The following RPRD2 variants were observed in gnomAD, a reference collection of about 807,000 sequenced individuals.
RPRD2 encodes the protein regulation of nuclear pre-mRNA domain-containing protein 2.
RPRD2 carries 12 observed loss-of-function variants against 104.4 expected under a neutral mutation model. The ratio of observed to expected loss-of-function variants is 0.11; its 90% CI spans 0.07 to 0.19. The LOEUF (loss-of-function observed/expected upper bound fraction) is 0.19. Among genes scored for constraint, RPRD2 ranks in the 10% least tolerant of loss-of-function variants. The probability of loss-of-function intolerance (pLI) is 1.00; values close to 1 mark genes in which losing one functional copy is unlikely to be tolerated. For synonymous variants in RPRD2, 714 were observed against 684.9 expected, an observed-to-expected ratio of 1.04 and a Z score of -0.66; for missense variants, 1,543 against 1,790.1, an observed-to-expected ratio of 0.86 and a Z score of 2.49.
At chr1:150,463,989 A>C (rs1406539577) in intron 9 of RPRD2, among the ~76,000 whole-genome samples, 4 of 152,216 alleles carry the variant, frequency 2.6e-5, no homozygotes, top group African/African-American at 4.8e-5. Flanking sequence ...TTTTTTAAAA[A>C]TAAATAAGAA....
intron 7 of RPRD2, among the ~76,000 whole-genome samples, chr1:150,450,749 T>G (rs1324004475): frequency 1.3e-5 from 2 of 151,402 alleles, no homozygotes; most frequent in African/African-American, 4.8e-5. Context: ...GCCTCCCGAA[T>G]AGGTGGAACT....
At chr1:150,369,667 C>T (rs1259257002) in intron 1 of RPRD2, among the ~76,000 whole-genome samples, 1 of 129,570 alleles carries the variant, frequency 7.7e-6, no homozygotes, top group Non-Finnish European at 1.6e-5. Flanking sequence ...GACGGGGTTT[C>T]ACCGTGGTCT....
At chr1:150,377,664 TATA>T (rs1553879924) in intron 1 of RPRD2, among the ~76,000 whole-genome samples, 1 of 151,894 alleles carries the variant, frequency 6.6e-6, no homozygotes. Context: ...TTCTGGGAAG[TATA>T]ATAATATGAG....
intron 2 of RPRD2, among the ~76,000 whole-genome samples, chr1:150,434,164 G>A (rs1553892638): frequency 6.6e-6 from 1 of 152,208 alleles, no homozygotes; most frequent in East Asian, 1.9e-4. Context: ...AGACCAGCCT[G>A]GCCAACGTGG....
chr1:150,441,646 C>G (rs1666410476), intron 3 of RPRD2: 1 of 370,104 alleles, frequency 2.7e-6, no homozygotes, highest in African/African-American at 2.1e-5. Context: ...TTTAAGCCTC[C>G]TCCCCTATTC....
intron 1 of RPRD2, among the ~76,000 whole-genome samples, chr1:150,371,403 AC>A (rs1553878308): frequency 6.6e-6 from 1 of 152,170 alleles, no homozygotes; most frequent in African/African-American, 2.4e-5. Context: ...TCTCTCTGTC[AC>A]CCAGGCTAGA....
At chr1:150,461,706 C>A (rs587640800) in intron 9 of RPRD2, among the ~76,000 whole-genome samples, 2 of 151,910 alleles carry the variant, frequency 1.3e-5, no homozygotes, top group Admixed American at 1.3e-4. Context: ...TATGGCCGAG[C>A]GTGGTGGCTC....
chr1:150,395,387 G>GTGTGTGTGTA (rs1662429706), intron 1 of RPRD2, among the ~76,000 whole-genome samples: 2 of 152,040 alleles, frequency 1.3e-5, no homozygotes, highest in African/African-American at 4.8e-5. Context: ...GTGTGTGTGT[G>GTGTGTGTGTA]TGTGTGTGTG....
intron 1 of RPRD2, among the ~76,000 whole-genome samples, chr1:150,369,562 T>C (rs1660127469): frequency 7.2e-6 from 1 of 138,882 alleles, no homozygotes; most frequent in Non-Finnish European, 1.5e-5. Flanking sequence ...GTTCACGCCA[T>C]TCTCCTGCCT....
chr1:150,434,198 T>C (rs1665843760), intron 2 of RPRD2, among the ~76,000 whole-genome samples: 1 of 151,610 alleles, frequency 6.6e-6, no homozygotes. Flanking sequence ...TACCAAAAAA[T>C]ACAAAAATTA....
intron 6 of RPRD2, 98 bp downstream of exon 6, chr1:150,444,475 G>A: frequency 1.6e-6 from 2 of 1,226,804 alleles, no homozygotes; most frequent in Non-Finnish European, 2.2e-6. Flanking sequence ...AGATCCTTGG[G>A]TAGAAAGCAG....
In RPRD2 at chr1:150,464,567, C is replaced by T. The variant is rs1553899481; in HGVS notation, c.1452C>T (p.Thr484=). Residue 484 remains threonine (T), a synonymous_variant, in exon 10 of 11, where the codon ACC becomes ACT. Coordinates refer to ENST00000369068, the MANE Select transcript of RPRD2 (RefSeq NM_015203.5). ...PASRPSPGTP[T]SPSNLTSGLK... ...CAAGACCTTCTCCAGGAACGCCCAC[C>T]AGCCCCAGCAACCTCACCAGTGGCC... The T allele has an allele frequency of 1.2e-6, 2 of 1,606,288 alleles. No individual in the cohort carries two copies. Among genetic ancestry groups the T allele is most frequent in the South Asian group, 2.2e-5 (2 of 89,836 alleles).
At chr1:150,397,347 A>G (rs1353162239) in intron 1 of RPRD2, among the ~76,000 whole-genome samples, 2 of 152,132 alleles carry the variant, frequency 1.3e-5, no homozygotes, top group African/African-American at 2.4e-5. Context: ...TTATTGTGTT[A>G]TGATTTACAT....
Position 150,471,985 on chromosome 1 carries a change from C to T in RPRD2, c.3037C>T (p.Leu1013Phe), listed in dbSNP as rs1668620339. 4.3e-6 allele frequency: 7 copies of T among 1,613,982 alleles called. No individual in the cohort carries two copies. The highest frequency in any genetic ancestry group is 5.1e-6 in the Non-Finnish European group (6 of 1,179,890). ...TTSTIEFKNM[L>F]KNASRKPSDD... ...GTCGACGATTGAATTTAAGAATATG[C>T]TTAAAAACGCCTCACGTAAGCCCTC... Residue 1013 changes from leucine (L) to phenylalanine (F), a missense_variant, in exon 11 of 11, where the codon CTT becomes TTT. Physicochemically the swap from Leu to Phe is conservative, Grantham distance 22. This residue lies in a region of RPRD2 where 880 missense variants were observed against 885.6 expected (regional missense o/e 0.99). Coordinates refer to ENST00000369068, the MANE Select transcript of RPRD2 (RefSeq NM_015203.5). This position sits in a 1 kb window ranked among gnomAD's most constrained non-coding sequence, Gnocchi z 5.3.
At position 150,430,758 on chromosome 1, in the gene RPRD2, C is replaced by T. The variant is rs147326614; in HGVS notation, c.336-10165C>T. Among the ~76,000 whole-genome samples, 1,486 of 152,110 alleles carry T rather than the reference C, an allele frequency of 9.8e-3. 57 individuals carry two copies. The highest frequency in any genetic ancestry group is 0.067 in the Admixed American group (1,018 of 15,260). Reference sequence around the variant, plus strand: ...CAGCCTGACCAACATGGAGAAACCCCGTCTCTACTAAAAATACAAAATTAG... The same window carrying T: ...CAGCCTGACCAACATGGAGAAACCCTGTCTCTACTAAAAATACAAAATTAG... On this transcript the variant is annotated intron_variant, in intron 2 of 10. Coordinates refer to ENST00000369068, the MANE Select transcript of RPRD2 (RefSeq NM_015203.5).
intron 2 of RPRD2, among the ~76,000 whole-genome samples, chr1:150,427,359 G>A (rs1665214946): frequency 6.6e-6 from 1 of 151,816 alleles, no homozygotes. Flanking sequence ...TGTAGTCCTA[G>A]CTACTTGGGA....
chr1:150,388,091 A>AT (rs1553882298), intron 1 of RPRD2, among the ~76,000 whole-genome samples: 1 of 150,778 alleles, frequency 6.6e-6, no homozygotes. Context: ...TAATTTTTGT[A>AT]TTTTTTTGTA....
chr1:150,402,379 T>A (rs113594706), intron 1 of RPRD2, among the ~76,000 whole-genome samples: 67 of 152,306 alleles, frequency 4.4e-4, no homozygotes, highest in Middle Eastern at 3.4e-3. Flanking sequence ...ATTTATCATA[T>A]AAAAATGTAG....
Position 150,471,559 on chromosome 1 carries a change from C to G in RPRD2, c.2611C>G (p.Pro871Ala), listed in dbSNP as rs780727934. The G allele has an allele frequency of 6.2e-7, 1 of 1,613,840 alleles. No homozygotes were observed. The highest frequency in any genetic ancestry group is 1.1e-5 in the South Asian group (1 of 91,066). Residue 871 changes from proline to alanine, a missense_variant, in exon 11 of 11, where the codon CCA becomes GCA. Around this residue, in one of 4 missense-constraint regions of RPRD2, gnomAD observed 880 missense variants for 885.6 expected, o/e 0.99. Transcript: ENST00000369068. This position sits in a 1 kb window ranked among gnomAD's most constrained non-coding sequence, Gnocchi z 5.3. ...GCTGTCTGATACCACCGAGTACCAG[C>G]CAATTCTGTCCAGTTATAGCCACAG... is the stretch of plus-strand genomic sequence containing the variant. ...SKLSDTTEYQ[P>A]ILSSYSHRAQ...
Sources: gnomAD v4.1 joint callset for allele counts (sites outside exome capture counted in the v4.1 genomes callset) on GRCh38, gnomAD v4.1.1 for gene constraint, gnomAD v4.1.1 regional missense constraint, Gnocchi (gnomAD v3.1) non-coding constraint, MANE v1.5 for transcripts, NCBI Gene and HGNC (gene_info 2026-07-23, HGNC 2026-07-21) for gene names.